LARP1: variants seen among roughly 807,000 people sequenced by gnomAD.
LARP1 encodes la-related protein 1.
Under a neutral mutation model 122.7 loss-of-function variants are expected in LARP1, and 36 were observed. The observed-to-expected ratio is 0.29, with a 90% CI of 0.22 to 0.39. The LOEUF (loss-of-function observed/expected upper bound fraction) is 0.39. Among genes scored for constraint, LARP1 ranks in the 10% least tolerant of loss-of-function variants. The pLI, the probability that LARP1 is intolerant of heterozygous loss-of-function variation, is 1.00. For missense variants in LARP1, 1,040 were observed against 1,403.6 expected (o/e 0.74, Z 4.14); for synonymous variants, 539 against 528.7 (o/e 1.02, Z -0.27).
At chr5:154,812,044 C>T (rs1759316624) in intron 18 of LARP1, among the ~76,000 whole-genome samples, 1 of 152,172 alleles carries the variant, frequency 6.6e-6, no homozygotes, top group African/African-American at 2.4e-5. Flanking sequence ...CTTGGAGCAG[C>T]GCCTCAACGG....
chr5:154,796,860 T>G (rs534923355), intron 8 of LARP1, among the ~76,000 whole-genome samples: 1 of 152,230 alleles, frequency 6.6e-6, no homozygotes, highest in East Asian at 1.9e-4. Flanking sequence ...TGCATAATTA[T>G]GAGTTGATCT....
At chr5:154,768,731 G>A (rs1289974091) in intron 1 of LARP1, among the ~76,000 whole-genome samples, 1 of 151,984 alleles carries the variant, frequency 6.6e-6, no homozygotes, top group Non-Finnish European at 1.5e-5. Flanking sequence ...ACAGGCACGC[G>A]CCACCATGCC....
chr5:154,798,840 T>G (rs545969709), intron 8 of LARP1, among the ~76,000 whole-genome samples: 2 of 152,064 alleles, frequency 1.3e-5, no homozygotes, highest in South Asian at 2.1e-4. Flanking sequence ...TCAGCACATG[T>G]AAAGTTGGTT....
At chr5:154,774,673 A>C (rs892088949) in intron 1 of LARP1, among the ~76,000 whole-genome samples, 1 of 151,846 alleles carries the variant, frequency 6.6e-6, no homozygotes, top group African/African-American at 2.4e-5. Context: ...TTGCTCTGGG[A>C]TGTTCTCTGC....
At chr5:154,764,216 A>G (rs1470637524) in intron 1 of LARP1, among the ~76,000 whole-genome samples, 1 of 151,122 alleles carries the variant, frequency 6.6e-6, no homozygotes, top group Non-Finnish European at 1.5e-5. Context: ...AGGCTGAGGC[A>G]GGAGAATCGC....
At chr5:154,811,207 TGAA>T in intron 16 of LARP1, 37 bp from the exon 17 acceptor site, 1 of 1,479,156 alleles carries the variant, frequency 6.8e-7, no homozygotes, top group Non-Finnish European at 9.4e-7. Flanking sequence ...GTTTTACAGA[TGAA>T]GAAACTGCCC....
chr5:154,808,582 A>G lies in LARP1; in HGVS notation c.2822A>G (p.Glu941Gly). The change falls in exon 16 of 19, where the codon GAG becomes GGG. Residue 941 changes from glutamate (E) to glycine (G), a missense_variant. Physicochemically the swap from Glu to Gly is moderately conservative, Grantham distance 98 (BLOSUM62 -2). Transcript: ENST00000518297. Reference protein sequence around the residue: ...MYEEFKQLALEDAKEGYRYGL... With the variant: ...MYEEFKQLALGDAKEGYRYGL... ...GAGGAGTTCAAGCAGCTGGCTCTGG[A>G]GGACGCCAAAGAAGGCTACAGGTGA... 1 of 1,613,346 alleles carries G rather than the reference A, an allele frequency of 6.2e-7. No individual in the cohort carries two copies. Among genetic ancestry groups the G allele is most frequent in the African/African-American group, 1.3e-5 (1 of 74,930 alleles).
At chr5:154,808,626 C>A (rs755123448) in intron 16 of LARP1, 23 bp downstream of exon 16, 2 of 1,604,206 alleles carry the variant, frequency 1.2e-6, no homozygotes, top group Admixed American at 1.7e-5. Flanking sequence ...GGGTGGGGGA[C>A]TTTGGCTGGT....
chr5:154,776,520 A>AC (rs1755899296), intron 1 of LARP1, among the ~76,000 whole-genome samples: 1 of 152,152 alleles, frequency 6.6e-6, no homozygotes, highest in Non-Finnish European at 1.5e-5. Context: ...TACAAGTGAG[A>AC]CCCTGCACTG....
At chr5:154,777,313 G>C (rs1413588833) in intron 1 of LARP1, among the ~76,000 whole-genome samples, 1 of 151,312 alleles carries the variant, frequency 6.6e-6, no homozygotes, top group Non-Finnish European at 1.5e-5. Context: ...GAGTTCAAGA[G>C]CAGCCTGGCC....
upstream of LARP1, among the ~76,000 whole-genome samples, chr5:154,709,219 C>G (rs1039770633): frequency 6.6e-6 from 1 of 152,226 alleles, no homozygotes; most frequent in Admixed American, 6.5e-5. Context: ...TTAGCTTTAG[C>G]AATGCAGTTA....
intron 1 of LARP1, chr5:154,757,092 C>A (rs1451255202): frequency 6.7e-6 from 1 of 148,844 alleles, no homozygotes; most frequent in African/African-American, 2.4e-5. Context: ...GGTGCGGGCC[C>A]GCGGCGCGGC....
chr5:154,781,100 A>C (rs1756387068), intron 1 of LARP1, among the ~76,000 whole-genome samples: 1 of 152,024 alleles, frequency 6.6e-6, no homozygotes, highest in Admixed American at 6.6e-5. Flanking sequence ...GTGTTACCTG[A>C]GGTGGTGGCT....
At position 154,755,803 on chromosome 5, in the gene LARP1, T is replaced by C; in HGVS notation, c.46T>C (p.Leu16=). 1 of 991,520 alleles carries C rather than the reference T, an allele frequency of 1.0e-6. No homozygotes were observed. The highest frequency in any genetic ancestry group is 1.7e-5 in the African/African-American group (1 of 57,310). The allele number at this position is 991,520 out of a possible 1,614,324, so 61.4% of individuals were successfully genotyped here. The part of the protein sequence containing the change: ...EPLLPGGATL[L]QAEEHGGLVR... ...GCTGCTGCCTGGGGGCGCCACGCTC[T>C]TGCAGGCCGAAGAGCACGGGGGGCT... The change falls in exon 1 of 19, where the codon TTG becomes CTG. Residue 16 remains leucine, a synonymous_variant. Transcript: ENST00000518297.
intron 1 of LARP1, among the ~76,000 whole-genome samples, chr5:154,749,011 G>A (rs1032567811): frequency 6.6e-6 from 1 of 152,222 alleles, no homozygotes; most frequent in African/African-American, 2.4e-5. Flanking sequence ...TATTTACTGA[G>A]TTAAAGAAGT....
At chr5:154,798,200 G>T (rs139540644) in intron 8 of LARP1, among the ~76,000 whole-genome samples, 1 of 152,148 alleles carries the variant, frequency 6.6e-6, no homozygotes, top group African/African-American at 2.4e-5. Flanking sequence ...TGGTTCTAGA[G>T]TCTCAGCATG....
At chr5:154,735,168 T>C (rs1756801712) in intron 1 of LARP1, among the ~76,000 whole-genome samples, 1 of 152,172 alleles carries the variant, frequency 6.6e-6, no homozygotes, top group South Asian at 2.1e-4. Flanking sequence ...AGGACCCTGC[T>C]TTCAGGTCAA....
chr5:154,688,653 CAAAAAAAAAAAA>C (rs10677648), intron 1 of LARP1, among the ~76,000 whole-genome samples: 36 of 79,452 alleles, frequency 4.5e-4, no homozygotes, highest in Middle Eastern at 7.9e-3. Context: ...GACTCCATCT[CAAAAAAAAAAAA>C]AAAAAAAAAA....
chr5:154,716,858 G>A (rs1205600413), intron 1 of LARP1, among the ~76,000 whole-genome samples: 1 of 152,128 alleles, frequency 6.6e-6, no homozygotes, highest in Non-Finnish European at 1.5e-5. Context: ...CCAGGAGTTT[G>A]AGACTGACCT....
Sources: gnomAD v4.1 joint callset for allele counts (sites outside exome capture counted in the v4.1 genomes callset) on GRCh38, gnomAD v4.1.1 for gene constraint, MANE v1.5 for transcripts, NCBI Gene and HGNC (gene_info 2026-07-23, HGNC 2026-07-21) for gene names.